EYS: variants seen among roughly 807,000 people sequenced by gnomAD.
The protein encoded by EYS is EGF-like photoreceptor maintenance factor.
EYS carries 250 observed loss-of-function variants against 282.1 expected under a neutral mutation model. That is an observed-to-expected ratio of 0.89 (90% CI 0.80 to 0.98). The LOEUF (loss-of-function observed/expected upper bound fraction) is 0.98. Among genes scored for constraint, EYS ranks in the 50% least tolerant of loss-of-function variants. The pLI is 0.00. For synonymous variants in EYS, 1,355 were observed against 1,282.9 expected, an observed-to-expected ratio of 1.06 and a Z score of -1.20; for missense variants, 4,016 against 3,709.0, an observed-to-expected ratio of 1.08 and a Z score of -2.15.
chr6:63,724,859 GGTTA>G (rs1367712240), intron 42 of EYS, among the ~76,000 whole-genome samples: 5 of 151,926 alleles, frequency 3.3e-5, no homozygotes, highest in Non-Finnish European at 7.4e-5. Flanking sequence ...TGTATTGTTT[GGTTA>G]GTTTTTACTA....
At position 64,449,881 on chromosome 6, in the gene EYS, G is replaced by A. The variant is rs180884402; in HGVS notation, c.5645-10529C>T. ...GCACTAAACATGGAAAGGAACAACC[G>A]GTACCAGCCACTGCAGAAACATGCC... On this transcript the variant is annotated intron_variant, in intron 26 of 42. Transcript: ENST00000503581. 9.4e-3 allele frequency among the ~76,000 whole-genome samples: 1,425 copies of A among 152,128 alleles called. 19 individuals are homozygous for A. The highest frequency in any genetic ancestry group is 0.049 in the East Asian group (251 of 5,168).
In EYS at chr6:64,032,238, A is replaced by C. The variant is rs540693947; in HGVS notation, c.6726-33055T>G. On this transcript the variant is annotated intron_variant, in intron 33 of 42. Transcript: ENST00000503581. ...GAACATCAGAAGGAATAAACTCCCG[A>C]CGCACCACCTTAAGAGCTGTAACAC... is the stretch of plus-strand genomic sequence containing the variant. Among the ~76,000 whole-genome samples, 20 of 152,176 alleles carry C rather than the reference A, an allele frequency of 1.3e-4. No homozygotes were observed. The South Asian group carries it at 3.9e-3, about 30-fold the overall frequency.
chr6:65,404,444 C>T (rs1379814712), intron 6 of EYS, among the ~76,000 whole-genome samples: 1 of 151,888 alleles, frequency 6.6e-6, no homozygotes, highest in African/African-American at 2.4e-5. Flanking sequence ...GAGGGGCATA[C>T]ATAGTCTGCT....
chr6:65,480,711 T>A (rs1765575396), intron 5 of EYS, among the ~76,000 whole-genome samples: 1 of 152,130 alleles, frequency 6.6e-6, no homozygotes, highest in Non-Finnish European at 1.5e-5. Context: ...TCAACCTAGA[T>A]GTCCATCAAG....
At chr6:65,120,886 C>T (rs1489426352) in intron 12 of EYS, among the ~76,000 whole-genome samples, 3 of 152,092 alleles carry the variant, frequency 2.0e-5, no homozygotes, top group African/African-American at 7.2e-5. Context: ...TCTACTTCAC[C>T]TTAACACTTG....
chr6:65,352,299 A>T (rs1342059488), intron 9 of EYS, among the ~76,000 whole-genome samples: 1 of 151,978 alleles, frequency 6.6e-6, no homozygotes, highest in African/African-American at 2.4e-5. Context: ...ACTCAAAAAC[A>T]GACACATCAA....
chr6:64,336,612 T>C (rs1770859012), intron 29 of EYS, among the ~76,000 whole-genome samples: 1 of 152,114 alleles, frequency 6.6e-6, no homozygotes, highest in Non-Finnish European at 1.5e-5. Context: ...AATTATACCT[T>C]AGAACAAATG....
chr6:64,185,653 G>A (rs1207446421), intron 31 of EYS, among the ~76,000 whole-genome samples: 1 of 152,160 alleles, frequency 6.6e-6, no homozygotes, highest in East Asian at 1.9e-4. Context: ...TATTGGAGAT[G>A]TTTAGTGCCA....
chr6:64,455,845 T>C (rs1374176122), intron 26 of EYS, among the ~76,000 whole-genome samples: 3 of 152,160 alleles, frequency 2.0e-5, no homozygotes, highest in Non-Finnish European at 4.4e-5. Flanking sequence ...CTATTCTTAG[T>C]TTGCTAGAAA....
intron 31 of EYS, among the ~76,000 whole-genome samples, chr6:64,138,974 CA>C (rs1468995221): frequency 6.6e-6 from 1 of 151,964 alleles, no homozygotes; most frequent in East Asian, 1.9e-4. Context: ...TGCAAAAATT[CA>C]AAAAATTGCA....
chr6:64,349,076 C>A (rs751073745), intron 29 of EYS, among the ~76,000 whole-genome samples: 1 of 151,242 alleles, frequency 6.6e-6, no homozygotes, highest in African/African-American at 2.4e-5. Flanking sequence ...ATAAAAATGA[C>A]ATTAAAATTA....
chr6:65,235,124 G>C (rs576128648), intron 12 of EYS, among the ~76,000 whole-genome samples: 1 of 152,316 alleles, frequency 6.6e-6, no homozygotes, highest in South Asian at 2.1e-4. Flanking sequence ...AAAATATTCA[G>C]TATATGAGCC....
At chr6:65,472,976 T>C (rs961485977) in intron 5 of EYS, among the ~76,000 whole-genome samples, 2 of 151,954 alleles carry the variant, frequency 1.3e-5, no homozygotes, top group African/African-American at 4.8e-5. Flanking sequence ...AATGAAACAA[T>C]TTACCCTCAT....
At chr6:63,813,217 C>T (rs1210551778) in intron 36 of EYS, among the ~76,000 whole-genome samples, 6 of 152,062 alleles carry the variant, frequency 3.9e-5, no homozygotes, top group Middle Eastern at 3.2e-3. Flanking sequence ...TGAGCTCGAG[C>T]GATCTGCCCA....
intron 26 of EYS, among the ~76,000 whole-genome samples, chr6:64,546,504 A>T (rs965841548): frequency 6.6e-6 from 1 of 152,210 alleles, no homozygotes; most frequent in African/African-American, 2.4e-5. Flanking sequence ...TGACAACAAA[A>T]GCCAAAATTG....
chr6:65,011,620 AT>A (rs1314880570), intron 13 of EYS, among the ~76,000 whole-genome samples: 1 of 152,174 alleles, frequency 6.6e-6, no homozygotes, highest in African/African-American at 2.4e-5. Context: ...AGCTCTTGGG[AT>A]TTCCTGTTGA....
In EYS at chr6:64,263,976, C is replaced by G. The variant is rs550211713; in HGVS notation, c.6192-33152G>C. ...GCTTTAATATGTAGGACTATATTTA[C>G]AAAGGCAGATTTTATCCTTATATTC... On this transcript the variant is annotated intron_variant, in intron 30 of 42. Coordinates refer to ENST00000503581, the MANE Select transcript of EYS (RefSeq NM_001142800.2). 4.6e-5 allele frequency among the ~76,000 whole-genome samples: 7 copies of G among 152,268 alleles called. No individual in the cohort carries two copies. In the East Asian group the frequency reaches 1.4e-3, roughly 29 times the overall value.
intron 33 of EYS, among the ~76,000 whole-genome samples, chr6:64,000,907 G>C (rs978652230): frequency 6.6e-6 from 1 of 152,106 alleles, no homozygotes; most frequent in East Asian, 1.9e-4. Context: ...CAGCACTTTG[G>C]GAGGCCACCC....
At chr6:64,328,407 C>T (rs746140275) in intron 29 of EYS, among the ~76,000 whole-genome samples, 33 of 152,218 alleles carry the variant, frequency 2.2e-4, no homozygotes, top group Admixed American at 5.9e-4. Flanking sequence ...TCGAGAGGCA[C>T]TCCTAAATGG....
Sources: allele counts gnomAD v4.1 joint callset (sites outside exome capture counted in the v4.1 genomes callset), GRCh38; gene constraint gnomAD v4.1.1; transcripts MANE v1.5; gene names NCBI Gene and HGNC (gene_info 2026-07-23, HGNC 2026-07-21).